The following MXRA5 variants were observed in gnomAD, a reference collection of about 807,000 sequenced individuals.
MXRA5 encodes the protein matrix remodeling associated 5, also known as matrix-remodeling-associated protein 5.
MXRA5 carries 41 observed loss-of-function variants against 112.5 expected under a neutral mutation model. That is an observed-to-expected ratio of 0.36 (90% CI 0.28 to 0.47). The LOEUF (loss-of-function observed/expected upper bound fraction) is 0.47. Ranked by LOEUF, MXRA5 falls within the 20% of genes least tolerant of loss-of-function variation. The pLI, the probability that MXRA5 is intolerant of heterozygous loss-of-function variation, is 0.99. For missense variants in MXRA5, 2,150 were observed against 2,251.0 expected, an observed-to-expected ratio of 0.96 and a Z score of 0.91; for synonymous variants, 862 against 900.8, an observed-to-expected ratio of 0.96 and a Z score of 0.77.
chrX:3,323,340 C>G lies in MXRA5; in HGVS notation c.2345G>C (p.Arg782Pro). ...NMANKQINPE[R>P]WADILAKVRG... Reference sequence around the variant, plus strand: ...GACTTTGGCTAAAATATCAGCCCAGCGCTCCGGATTAATCTGTTTGTTTGC... The same window carrying G: ...GACTTTGGCTAAAATATCAGCCCAGGGCTCCGGATTAATCTGTTTGTTTGC... Residue 782 changes from arginine to proline, a missense_variant, in exon 5 of 7, where the codon CGC becomes CCC. Physicochemically the swap from Arg to Pro is moderately radical, Grantham distance 103. This residue lies in a region of MXRA5 where 1,485 missense variants were observed against 1,471.6 expected (regional missense o/e 1.01). Coordinates refer to ENST00000217939, the MANE Select transcript of MXRA5 (RefSeq NM_015419.4). 1 of 1,211,551 alleles carries G rather than the reference C, an allele frequency of 8.3e-7. No individual in the cohort carries two copies. The highest frequency in any genetic ancestry group is 1.1e-6 in the Non-Finnish European group (1 of 895,442).
At chrX:3,326,016 A>G (rs1175066809) in intron 4 of MXRA5, among the ~76,000 whole-genome samples, 6 of 50,990 alleles carry the variant, frequency 1.2e-4, no homozygotes, top group Non-Finnish European at 2.1e-4. Context: ...ATATATATTT[A>G]TATGTATTTT....
chrX:3,341,408 AT>A (rs1401575480), intron 2 of MXRA5, among the ~76,000 whole-genome samples: 28 of 21,219 alleles, frequency 1.3e-3, no homozygotes, highest in East Asian at 5.6e-3. Context: ...AATATATATT[AT>A]TATTATATAT....
At chrX:3,346,033 AAG>A (rs777667435) in intron 1 of MXRA5, among the ~76,000 whole-genome samples, 346 of 111,367 alleles carry the variant, frequency 3.1e-3, no homozygotes, top group Non-Finnish European at 5.4e-3. Flanking sequence ...GGAGAGGGGG[AAG>A]AGAGGAGGGA....
At chrX:3,325,906 T>C (rs371803889) in intron 4 of MXRA5, among the ~76,000 whole-genome samples, 4 of 35,476 alleles carry the variant, frequency 1.1e-4, no homozygotes, top group Non-Finnish European at 2.2e-4. Flanking sequence ...TAATGTATAA[T>C]TTTAAATCAT....
intron 4 of MXRA5, among the ~76,000 whole-genome samples, chrX:3,325,950 A>G (rs1428822466): frequency 1.1e-5 from 1 of 91,681 alleles, no homozygotes; most frequent in Non-Finnish European, 2.0e-5. Context: ...ATTGTAATTT[A>G]TAATATATAA....
At position 3,331,055 on chromosome X, in the gene MXRA5, A is replaced by G. The variant is rs780603042; in HGVS notation, c.189-282T>C. 1.0e-3 allele frequency among the ~76,000 whole-genome samples: 113 copies of G among 111,282 alleles called. 1 individual carries two copies. Among genetic ancestry groups the G allele is most frequent in the African/African-American group, 3.4e-3 (105 of 30,611 alleles). ...GTAGCTGGAACTACAGGCACAGGCC[A>G]CTATCCCTGGCTAATTTTTTATTTT... On this transcript the variant is annotated intron_variant, in intron 2 of 6. Coordinates refer to ENST00000217939, the MANE Select transcript of MXRA5 (RefSeq NM_015419.4).
chrX:3,343,532 C>T, intron 2 of MXRA5, 114 bp downstream of exon 2: 1 of 741,213 alleles, frequency 1.3e-6, no homozygotes, highest in Non-Finnish European at 2.0e-6. Context: ...CTCGACAGAG[C>T]TACACAGAGG....
Position 3,317,220 on chromosome X carries a change from C to T in MXRA5, c.6461G>A (p.Arg2154Gln), listed in dbSNP as rs200510085. Residue 2154 changes from arginine to glutamine, a missense_variant, in exon 6 of 7, where the codon CGG (arginine) becomes CAG (glutamine). Coordinates refer to ENST00000217939, the MANE Select transcript of MXRA5 (RefSeq NM_015419.4). ...ANARITGTSP[R>Q]RTDVRYGGTL... ...TCCTCCGTACCTGACGTCCGTCCTC[C>T]GCGGGGAGGTGCCCGTGATGCGCGC... 166 of 1,210,065 alleles carry T rather than the reference C, an allele frequency of 1.4e-4. No homozygotes were observed. Among genetic ancestry groups the T allele is most frequent in the Non-Finnish European group, 1.7e-4 (152 of 895,163 alleles).
At position 3,321,567 on chromosome X, in the gene MXRA5, C is replaced by G. The variant is rs1334719872; in HGVS notation, c.4118G>C (p.Gly1373Ala). ...ATTCCAGGTTGGAGTTCCTGGAAAG[C>G]CTACAGGAGAGGATTCTTCCTTAAA... ...GEFKEESSPV[G>A]FPGTPTWNPS... Residue 1373 changes from glycine to alanine, a missense_variant, in exon 5 of 7, where the codon GGC becomes GCC. By Grantham distance (60) the Gly-to-Ala change is moderately conservative. Coordinates refer to ENST00000217939, the MANE Select transcript of MXRA5 (RefSeq NM_015419.4). 1 of 1,207,782 alleles carries G rather than the reference C, an allele frequency of 8.3e-7. No homozygotes were observed. The highest frequency in any genetic ancestry group is 1.7e-5 in the African/African-American group (1 of 57,198).
chrX:3,328,863 A>G (rs1450673535), intron 4 of MXRA5, among the ~76,000 whole-genome samples: 1 of 98,846 alleles, frequency 1.0e-5, no homozygotes, highest in African/African-American at 3.7e-5. Flanking sequence ...GGAAGGCAGG[A>G]GAGAAGGCAG....
rs778325549 is a variant in MXRA5, at chrX:3,343,806, G to A, written c.28C>T (p.Leu10Phe). 3.6e-5 allele frequency: 44 copies of A among 1,207,009 alleles called. No individual in the cohort carries two copies. In the Middle Eastern group the frequency reaches 3.8e-3, roughly 103 times the overall value. Residue 10 changes from leucine to phenylalanine, a missense_variant, in exon 2 of 7, where the codon CTC becomes TTC. By Grantham distance (22) the Leu-to-Phe change is conservative. Around this residue, in one of 6 missense-constraint regions of MXRA5, gnomAD observed 386 missense variants for 411.0 expected, o/e 0.94. Transcript: ENST00000217939. ...CAAAGCAGGATCAGCACCACGGAGA[G>A]GGCCCCCCAGTGCGCGCGCTTGGGC... Reference protein sequence around the residue: MPKRAHWGALSVVLILLWGH... With the variant: MPKRAHWGAFSVVLILLWGH...
Position 3,321,185 on chromosome X carries a change from G to A in MXRA5, c.4500C>T (p.Leu1500=). ...TGGTGGTGGTTTGTCCCAAAGACAT[G>A]AGAATTGTGGATGGGGACGAGGATG... is the stretch of plus-strand genomic sequence containing the variant. ...EPASSSPSTI[L]MSLGQTTTTK... Residue 1500 remains leucine (L), a synonymous_variant, in exon 5 of 7, where the codon CTC becomes CTT. Transcript: ENST00000217939. 3 of 1,211,672 alleles carry A rather than the reference G, an allele frequency of 2.5e-6. No individual in the cohort carries two copies. Among genetic ancestry groups the A allele is most frequent in the Non-Finnish European group, 3.4e-6 (3 of 895,310 alleles).
At position 3,322,228 on chromosome X, in the gene MXRA5, C is replaced by T. The variant is rs372350891; in HGVS notation, c.3457G>A (p.Gly1153Arg). 52 of 1,191,056 alleles carry T rather than the reference C, an allele frequency of 4.4e-5. No individual in the cohort carries two copies. The highest frequency in any genetic ancestry group is 5.5e-5 in the Non-Finnish European group (49 of 885,254). ...STHPSRRRPNGRRRLRPNKFR... is the reference protein window; with the variant it reads ...STHPSRRRPNRRRRLRPNKFR... Reference sequence around the variant, plus strand: ...TTGTTGGGGCGTAATCTCCTTCTCCCGTTGGGTCTCCTTCGAGAAGGGTGA... The same window carrying T: ...TTGTTGGGGCGTAATCTCCTTCTCCTGTTGGGTCTCCTTCGAGAAGGGTGA... Residue 1153 changes from glycine to arginine, a missense_variant, in exon 5 of 7, where the codon GGG (glycine) becomes AGG (arginine). Physicochemically the swap from Gly to Arg is moderately radical, Grantham distance 125 (BLOSUM62 -2). This residue lies in a region of MXRA5 where 1,485 missense variants were observed against 1,471.6 expected (regional missense o/e 1.01). Coordinates refer to ENST00000217939, the MANE Select transcript of MXRA5 (RefSeq NM_015419.4).
intron 2 of MXRA5, among the ~76,000 whole-genome samples, chrX:3,339,898 ACC>A (rs1921874669): frequency 8.9e-6 from 1 of 112,138 alleles, no homozygotes; most frequent in African/African-American, 3.2e-5. Flanking sequence ...TGAATGTATA[ACC>A]AACTCTGTGA....
chrX:3,341,356 T>A (rs1271945982), intron 2 of MXRA5, among the ~76,000 whole-genome samples: 17 of 40,558 alleles, frequency 4.2e-4, no homozygotes, highest in Non-Finnish European at 5.8e-4. Flanking sequence ...TACTATATAT[T>A]ATGTATATAT....
Position 3,315,343 on chromosome X carries a change from T to C in MXRA5, c.6578+1760A>G, listed in dbSNP as rs1921069574. Among the ~76,000 whole-genome samples, 3 of 49,459 alleles carry C rather than the reference T, an allele frequency of 6.1e-5. 1 individual carries two copies. Among genetic ancestry groups the C allele is most frequent in the African/African-American group, 2.2e-4 (2 of 8,958 alleles). The allele number at this position is 49,459 out of a possible 115,157, so 42.9% of individuals were successfully genotyped here. On this transcript the variant is annotated intron_variant, in intron 6 of 6. Coordinates refer to ENST00000217939, the MANE Select transcript of MXRA5 (RefSeq NM_015419.4). ...TGATAGATAGATAGATATAGATAGA[T>C]AGATGATAGATAGATAGATAGATAG...
rs1328231641 is a variant in MXRA5 at position 3,324,098 on chromosome X, G to C, written c.1587C>G (p.Asp529Glu). The C allele has an allele frequency of 1.3e-5, 16 of 1,208,083 alleles. No individual in the cohort carries two copies. Among genetic ancestry groups the C allele is most frequent in the Non-Finnish European group, 1.7e-5 (15 of 894,429 alleles). The change falls in exon 5 of 7, where the codon GAC becomes GAG. Residue 529 changes from aspartate to glutamate, a missense_variant. Around this residue, in one of 6 missense-constraint regions of MXRA5, gnomAD observed 386 missense variants for 411.0 expected, o/e 0.94. Coordinates refer to ENST00000217939, the MANE Select transcript of MXRA5 (RefSeq NM_015419.4). ...SILKAPMDDP[D>E]SKFSILSSGW... is the part of the protein sequence containing the mutation. ...CACTGCTGAGAATGGAGAACTTGCTGTCTGGGTCATCCATGGGCGCTTTCA... is the reference window on the plus strand; with the variant it reads ...CACTGCTGAGAATGGAGAACTTGCTCTCTGGGTCATCCATGGGCGCTTTCA...
At chrX:3,319,950 T>C in intron 5 of MXRA5, 58 bp downstream of exon 5, 1 of 893,676 alleles carries the variant, frequency 1.1e-6, no homozygotes, top group Non-Finnish European at 1.6e-6. Context: ...ATTATATTGC[T>C]AGCCAATAAA....
At chrX:3,327,259 T>C (rs1332171230) in intron 4 of MXRA5, among the ~76,000 whole-genome samples, 1 of 111,595 alleles carries the variant, frequency 9.0e-6, no homozygotes, top group Non-Finnish European at 1.9e-5. Flanking sequence ...AGCAAACACC[T>C]CAACATGCGA....
Sources: allele counts gnomAD v4.1 joint callset (sites outside exome capture counted in the v4.1 genomes callset), GRCh38; gene constraint gnomAD v4.1.1; regional missense constraint gnomAD v4.1.1; transcripts MANE v1.5; gene names NCBI Gene and HGNC (gene_info 2026-07-23, HGNC 2026-07-21).